Variants in TARS1 observed in about 807,000 individuals in gnomAD.
TARS1 encodes threonine--tRNA ligase 1, cytoplasmic.
In TARS1, 57 loss-of-function variants were observed where a neutral mutation model predicts 97.7. The observed-to-expected ratio is 0.58, with a 90% CI of 0.47 to 0.73. The LOEUF is 0.73. Ranked by LOEUF, TARS1 falls within the 30% of genes least tolerant of loss-of-function variation. The probability of loss-of-function intolerance (pLI) is 0.00; values close to 1 mark genes in which losing one functional copy is unlikely to be tolerated. For missense variants in TARS1, 806 were observed against 888.3 expected (o/e 0.91, Z 1.18); for synonymous variants, 312 against 293.7 (o/e 1.06, Z -0.64).
chr5:33,451,021 G>A (rs999531349), intron 3 of TARS1, among the ~76,000 whole-genome samples: 4 of 152,190 alleles, frequency 2.6e-5, no homozygotes, highest in Non-Finnish European at 5.9e-5. Context: ...GGCTGAGGTG[G>A]GAGGATAGCT....
chr5:33,443,255 T>G (rs912962737), intron 1 of TARS1, among the ~76,000 whole-genome samples: 1 of 151,670 alleles, frequency 6.6e-6, no homozygotes, highest in Non-Finnish European at 1.5e-5. Context: ...CCAGTGTTCT[T>G]GTTTGTAAAA....
chr5:33,457,462 T>C, intron 9 of TARS1, 59 bp downstream of exon 9: 1 of 1,569,342 alleles, frequency 6.4e-7, no homozygotes. Flanking sequence ...ATTTGAAGTT[T>C]GAAATTCAGC....
chr5:33,442,305 T>A (rs1331469119), intron 1 of TARS1, among the ~76,000 whole-genome samples: 1 of 151,570 alleles, frequency 6.6e-6, no homozygotes, highest in African/African-American at 2.4e-5. Context: ...AAATGATATT[T>A]TTACTGTTTT....
At chr5:33,441,863 A>C (rs1302273911) in intron 1 of TARS1, 1 of 152,266 alleles carries the variant, frequency 6.6e-6, no homozygotes, top group Non-Finnish European at 1.5e-5. Flanking sequence ...TCCCACGTAA[A>C]GGTAGGGAAG....
At chr5:33,455,167 T>A in intron 5 of TARS1, 101 bp downstream of exon 5, 4 of 1,426,336 alleles carry the variant, frequency 2.8e-6, no homozygotes, top group Non-Finnish European at 3.8e-6. Flanking sequence ...TAGATCTCAC[T>A]GCTTCTTCAT....
chr5:33,456,772 T>G (rs1395863529), intron 8 of TARS1, among the ~76,000 whole-genome samples: 1 of 152,174 alleles, frequency 6.6e-6, no homozygotes, highest in Non-Finnish European at 1.5e-5. Context: ...GTGGGCAGTT[T>G]TGGGGGTATT....
chr5:33,442,805 C>T (rs1579571889), intron 1 of TARS1, among the ~76,000 whole-genome samples: 1 of 152,194 alleles, frequency 6.6e-6, no homozygotes, highest in East Asian at 1.9e-4. Context: ...CGCCCGGCCT[C>T]ATTCAGTCTT....
intron 4 of TARS1, among the ~76,000 whole-genome samples, chr5:33,454,008 C>T (rs999577036): frequency 1.3e-5 from 2 of 152,210 alleles, no homozygotes; most frequent in Non-Finnish European, 2.9e-5. Context: ...GTGTGAGCCA[C>T]TGTGCCTGGC....
At chr5:33,445,270 C>A in intron 1 of TARS1, 54 bp from the exon 2 acceptor site, 1 of 1,378,210 alleles carries the variant, frequency 7.3e-7, no homozygotes, top group Non-Finnish European at 1.0e-6. Context: ...TGGGGCATCA[C>A]AGGATGGAGG....
At chr5:33,455,840 T>A (rs1423960953) in intron 6 of TARS1, 136 bp downstream of exon 6, 2 of 946,746 alleles carry the variant, frequency 2.1e-6, no homozygotes, top group Non-Finnish European at 3.1e-6. Flanking sequence ...TTTTTATTAT[T>A]TTTTTAATTT....
intron 16 of TARS1, among the ~76,000 whole-genome samples, chr5:33,463,245 T>G (rs959801716): frequency 6.6e-6 from 1 of 152,226 alleles, no homozygotes; most frequent in Non-Finnish European, 1.5e-5. Flanking sequence ...GATGGGCTTA[T>G]TTTTTAATAA....
At chr5:33,462,376 T>C (rs779006635) in intron 16 of TARS1, among the ~76,000 whole-genome samples, 173 bp downstream of exon 16, 3 of 152,242 alleles carry the variant, frequency 2.0e-5, no homozygotes, top group Non-Finnish European at 4.4e-5. Context: ...ACAAACTTTT[T>C]AGCATTAAGA....
chr5:33,463,414 A>C lies in TARS1; in HGVS notation c.1836-339A>C, dbSNP rs9885230. ...AATTAATCACTACATGCAGTTATTA[A>C]ATCATTTGTTACCTCCTCTCACAGC... On this transcript the variant is annotated intron_variant, in intron 16 of 18. Coordinates refer to ENST00000265112, the MANE Select transcript of TARS1 (RefSeq NM_152295.5). 2.3e-3 allele frequency among the ~76,000 whole-genome samples: 345 copies of C among 152,320 alleles called. 1 individual carries two copies. Among genetic ancestry groups the C allele is most frequent in the African/African-American group, 7.9e-3 (330 of 41,572 alleles).
At chr5:33,455,754 T>C (rs765649781) in intron 6 of TARS1, 50 bp downstream of exon 6, 1 of 1,326,816 alleles carries the variant, frequency 7.5e-7, no homozygotes. Context: ...CATTTATTCA[T>C]GTTAGTTGAA....
chr5:33,443,492 TGTTGTC>T (rs1741247846), intron 1 of TARS1, among the ~76,000 whole-genome samples: 1 of 144,322 alleles, frequency 6.9e-6, no homozygotes, highest in South Asian at 2.3e-4. Context: ...TTTTTTTTTT[TGTTGTC>T]GTTGTTGTTG....
intron 11 of TARS1, 167 bp downstream of exon 11, chr5:33,460,028 C>CT (rs77381964): frequency 0.13 from 48,912 of 377,400 alleles, 49 homozygotes; most frequent in Middle Eastern, 0.16. Context: ...TAGATCCCCA[C>CT]TTTTTTTTTT....
chr5:33,445,222 TAAATAAC>T (rs1741351565), intron 1 of TARS1, 95 bp from the exon 2 acceptor site: 1 of 884,178 alleles, frequency 1.1e-6, no homozygotes, highest in Admixed American at 2.8e-5. Flanking sequence ...TTTTTTAAAT[TAAATAAC>T]AAATACTAAA....
rs939202418 is a variant in TARS1 at position 33,445,307 on chromosome 5, G to A, written c.58-17G>A. ...GTCACATTAGATTAAAATATAAAAC[G>A]TTTTTTGCTTATTTAGATTGGTGCT... is the stretch of plus-strand genomic sequence containing the variant. On this transcript the variant is annotated splice_polypyrimidine_tract_variant and intron_variant, in intron 1 of 18. Coordinates refer to ENST00000265112, the MANE Select transcript of TARS1 (RefSeq NM_152295.5). 1.9e-6 allele frequency: 3 copies of A among 1,600,232 alleles called. No individual in the cohort carries two copies. Among genetic ancestry groups the A allele is most frequent in the South Asian group, 1.1e-5 (1 of 89,348 alleles).
chr5:33,455,538 A>G (rs1741967510), intron 5 of TARS1, 49 bp from the exon 6 acceptor site: 2 of 1,244,306 alleles, frequency 1.6e-6, no homozygotes, highest in Non-Finnish European at 2.3e-6. Context: ...TTTCGAAGCC[A>G]TGGTGTGATT....
Sources: gnomAD v4.1 joint callset for allele counts (sites outside exome capture counted in the v4.1 genomes callset) on GRCh38, gnomAD v4.1.1 for gene constraint, MANE v1.5 for transcripts, NCBI Gene and HGNC (gene_info 2026-07-23, HGNC 2026-07-21) for gene names.